Variants in GALNTL6 observed in about 807,000 individuals in gnomAD.
GALNTL6 encodes the protein polypeptide N-acetylgalactosaminyltransferase-like 6.
A neutral mutation model predicts 73.7 loss-of-function variants in GALNTL6; 46 were observed. The ratio of observed to expected loss-of-function variants is 0.62; its 90% confidence interval spans 0.49 to 0.80. GALNTL6 has a LOEUF of 0.80. Ranked by LOEUF, GALNTL6 falls within the 30% of genes least tolerant of loss-of-function variation. The pLI is 0.00. For missense variants in GALNTL6, 604 were observed against 755.0 expected, an observed-to-expected ratio of 0.80 and a Z score of 2.34; for synonymous variants, 259 against 263.7, an observed-to-expected ratio of 0.98 and a Z score of 0.17.
chr4:172,301,589 C>A (rs1490604825), intron 3 of GALNTL6, among the ~76,000 whole-genome samples: 1 of 152,174 alleles, frequency 6.6e-6, no homozygotes. Flanking sequence ...TTCTAACAGT[C>A]AGGACCCTCA....
intron 5 of GALNTL6, among the ~76,000 whole-genome samples, chr4:172,720,290 G>A (rs989367022): frequency 6.6e-6 from 1 of 152,084 alleles, no homozygotes; most frequent in African/African-American, 2.4e-5. Context: ...TGAGTGAAAA[G>A]GGAATAAAAA....
At chr4:172,339,257 C>CACCACACA (rs1183829946) in intron 4 of GALNTL6, among the ~76,000 whole-genome samples, 1 of 120,952 alleles carries the variant, frequency 8.3e-6, no homozygotes, top group African/African-American at 3.3e-5. Flanking sequence ...CACACACACA[C>CACCACACA]CACACACACA....
rs6816554 is a variant in GALNTL6, at chr4:172,795,516, T to G, written c.554-13845T>G. On this transcript the variant is annotated intron_variant, in intron 5 of 12. Coordinates refer to ENST00000506823, the MANE Select transcript of GALNTL6 (RefSeq NM_001034845.3). ...TCCATAGCAAATGAAGACAAAGTTT[T>G]CAGTCTCTTCTTTTTTGAAATAATT... Among the ~76,000 whole-genome samples, 1,061 of 152,282 alleles carry G rather than the reference T, an allele frequency of 7.0e-3. 11 individuals are homozygous for G. Among genetic ancestry groups the G allele is most frequent in the African/African-American group, 0.025 (1,019 of 41,558 alleles).
intron 12 of GALNTL6, among the ~76,000 whole-genome samples, chr4:173,027,909 T>C (rs1013328740): frequency 2.0e-5 from 3 of 152,156 alleles, no homozygotes; most frequent in Non-Finnish European, 4.4e-5. Flanking sequence ...GAAAATGAAG[T>C]TTAAAAGTGA....
In GALNTL6 at chr4:171,939,123, T is replaced by C. The variant is rs895439164; in HGVS notation, c.138+124405T>C. Among the ~76,000 whole-genome samples, 2 of 151,524 alleles carry C rather than the reference T, an allele frequency of 1.3e-5. 1 individual carries two copies. On this transcript the variant is annotated intron_variant, in intron 2 of 12. Transcript: ENST00000506823. Reference sequence around the variant, plus strand: ...AAAAAACAATTAAATCTAATTCCAATAATTTCAGTTGGAAAAAAGAAGTAG... The same window carrying C: ...AAAAAACAATTAAATCTAATTCCAACAATTTCAGTTGGAAAAAAGAAGTAG...
At chr4:171,817,231 C>T (rs1734548195) in intron 2 of GALNTL6, among the ~76,000 whole-genome samples, 1 of 151,882 alleles carries the variant, frequency 6.6e-6, no homozygotes, top group African/African-American at 2.4e-5. Context: ...TTTTACAGTA[C>T]TTATGTGTAA....
chr4:172,212,427 C>T (rs946293932), intron 2 of GALNTL6, among the ~76,000 whole-genome samples: 4 of 152,092 alleles, frequency 2.6e-5, no homozygotes, highest in African/African-American at 7.2e-5. Context: ...CCAAAGCGCT[C>T]AGATTAGAGG....
intron 5 of GALNTL6, among the ~76,000 whole-genome samples, chr4:172,513,452 C>T (rs925829473): frequency 1.3e-5 from 2 of 152,100 alleles, no homozygotes; most frequent in Non-Finnish European, 2.9e-5. Flanking sequence ...TGGATCCATT[C>T]CTGGTGAGCT....
chr4:172,873,130 T>G (rs1745030061), intron 7 of GALNTL6, among the ~76,000 whole-genome samples: 1 of 152,266 alleles, frequency 6.6e-6, no homozygotes, highest in South Asian at 2.1e-4. Flanking sequence ...GGATTGGCCT[T>G]CCAGGAGCAT....
intron 2 of GALNTL6, among the ~76,000 whole-genome samples, chr4:172,038,683 C>A (rs534049532): frequency 6.6e-6 from 1 of 152,292 alleles, no homozygotes; most frequent in Non-Finnish European, 1.5e-5. Flanking sequence ...ATTTGTTATT[C>A]AATTCACAAA....
intron 5 of GALNTL6, among the ~76,000 whole-genome samples, chr4:172,479,931 C>T (rs1162875842): frequency 6.6e-6 from 1 of 152,142 alleles, no homozygotes; most frequent in Non-Finnish European, 1.5e-5. Flanking sequence ...TTATCAGAGA[C>T]ACATGTCATA....
chr4:172,861,319 ATGTGTGTGTG>A (rs10664817), intron 7 of GALNTL6, among the ~76,000 whole-genome samples: 2 of 146,276 alleles, frequency 1.4e-5, no homozygotes, highest in African/African-American at 2.7e-5. Context: ...TTTTGCTTAC[ATGTGTGTGTG>A]TGTGTGTGTG....
At chr4:171,830,716 A>G (rs1213711105) in intron 2 of GALNTL6, among the ~76,000 whole-genome samples, 2 of 152,186 alleles carry the variant, frequency 1.3e-5, no homozygotes, top group African/African-American at 4.8e-5. Flanking sequence ...TTCATCAGAC[A>G]TATTGACCTC....
chr4:172,637,571 A>G (rs1739755248), intron 5 of GALNTL6, among the ~76,000 whole-genome samples: 1 of 152,200 alleles, frequency 6.6e-6, no homozygotes, highest in South Asian at 2.1e-4. Flanking sequence ...AAGCATAAGT[A>G]TTCATTTTCC....
chr4:171,897,396 T>A (rs1736953291), intron 2 of GALNTL6, among the ~76,000 whole-genome samples: 1 of 152,156 alleles, frequency 6.6e-6, no homozygotes, highest in African/African-American at 2.4e-5. Context: ...CAGTGGAAAA[T>A]ATTTGTGGCA....
At chr4:171,903,267 C>T (rs915246308) in intron 2 of GALNTL6, among the ~76,000 whole-genome samples, 13 of 151,980 alleles carry the variant, frequency 8.6e-5, no homozygotes, top group East Asian at 2.0e-4. Flanking sequence ...AGACAGTGGG[C>T]GCAGGTCAGT....
At chr4:172,777,496 G>A (rs1407295109) in intron 5 of GALNTL6, among the ~76,000 whole-genome samples, 2 of 152,212 alleles carry the variant, frequency 1.3e-5, no homozygotes, top group Non-Finnish European at 2.9e-5. Context: ...TTGTTGTAAA[G>A]TTGAACTGTG....
chr4:172,724,095 G>A (rs1277117599), intron 5 of GALNTL6, among the ~76,000 whole-genome samples: 2 of 152,106 alleles, frequency 1.3e-5, no homozygotes, highest in African/African-American at 2.4e-5. Context: ...GGAGCAGTGT[G>A]ATATCTTTCC....
intron 5 of GALNTL6, among the ~76,000 whole-genome samples, chr4:172,693,598 C>G (rs1398333950): frequency 6.6e-6 from 1 of 152,188 alleles, no homozygotes; most frequent in South Asian, 2.1e-4. Flanking sequence ...TCTGGTTCCT[C>G]CCCAGCTTTA....
Sources: gnomAD v4.1 joint callset for allele counts (sites outside exome capture counted in the v4.1 genomes callset) on GRCh38, gnomAD v4.1.1 for gene constraint, MANE v1.5 for transcripts, NCBI Gene and HGNC (gene_info 2026-07-23, HGNC 2026-07-21) for gene names.